Variants in MATCAP2 observed in about 807,000 individuals in gnomAD.
MATCAP2 encodes the protein putative tyrosine carboxypeptidase MATCAP2.
the MATCAP2 span, chr7:36,355,655 T>G: frequency 1.3e-5 from 2 of 152,258 alleles, no homozygotes; most frequent in Non-Finnish European, 2.9e-5. Flanking sequence ...AAATATCTGC[T>G]GGCCGCAAGA....
chr7:36,372,749 A>G, the MATCAP2 span, among the ~76,000 whole-genome samples: 1 of 152,192 alleles, frequency 6.6e-6, no homozygotes, highest in African/African-American at 2.4e-5. Context: ...CAAGGTAAAA[A>G]GATGATGAAA....
At chr7:36,332,024 A>C in the MATCAP2 span, among the ~76,000 whole-genome samples, 2 of 152,242 alleles carry the variant, frequency 1.3e-5, no homozygotes, top group Non-Finnish European at 2.9e-5. Context: ...CCACAGTTAG[A>C]AAATGTTGAT....
chr7:36,375,006 G>A, the MATCAP2 span, among the ~76,000 whole-genome samples: 1 of 152,210 alleles, frequency 6.6e-6, no homozygotes, highest in South Asian at 2.1e-4. Flanking sequence ...ACATACGTGT[G>A]CATGTGTCTT....
chr7:36,389,387 G>T, the MATCAP2 span, among the ~76,000 whole-genome samples: 1 of 151,120 alleles, frequency 6.6e-6, no homozygotes, highest in African/African-American at 2.4e-5. Context: ...TTTTGAGGCA[G>T]GGTCTCACTC....
At chr7:36,344,806 A>G in the MATCAP2 span, among the ~76,000 whole-genome samples, 1 of 152,206 alleles carries the variant, frequency 6.6e-6, no homozygotes. Flanking sequence ...TAACTCATGG[A>G]ACAGAGAGCC....
chr7:36,327,067 C>T, the MATCAP2 span: 5 of 645,584 alleles, frequency 7.7e-6, no homozygotes, highest in Admixed American at 3.1e-5. Flanking sequence ...CAGTGACTTA[C>T]ATTTTCTTCA....
At chr7:36,361,257 G>C in the MATCAP2 span, among the ~76,000 whole-genome samples, 9 of 152,144 alleles carry the variant, frequency 5.9e-5, no homozygotes, top group African/African-American at 2.2e-4. Flanking sequence ...GGTACCTCCC[G>C]TTCCCCATCT....
chr7:36,385,792 TAAAATAAAATA>T, the MATCAP2 span, among the ~76,000 whole-genome samples: 9 of 68,410 alleles, frequency 1.3e-4, no homozygotes, highest in Admixed American at 6.2e-4. Flanking sequence ...TTTCAAAAAA[TAAAATAAAATA>T]AAATAAAATA....
chr7:36,357,357 T>C, the MATCAP2 span: 3 of 1,614,110 alleles, frequency 1.9e-6, no homozygotes, highest in Non-Finnish European at 2.5e-6. Flanking sequence ...GGAGATTTGC[T>C]GGGTTTTCTA....
chr7:36,344,477 T>C, the MATCAP2 span, among the ~76,000 whole-genome samples: 1 of 152,208 alleles, frequency 6.6e-6, no homozygotes, highest in African/African-American at 2.4e-5. Flanking sequence ...CTGTGGGTGG[T>C]AGAATTATGG....
At chr7:36,330,049 T>A in the MATCAP2 span, among the ~76,000 whole-genome samples, 1 of 37,772 alleles carries the variant, frequency 2.6e-5, no homozygotes, top group Non-Finnish European at 6.3e-5. Flanking sequence ...GATCTTTTTT[T>A]TTTTATTTTT....
At chr7:36,328,245 G>C in the MATCAP2 span, among the ~76,000 whole-genome samples, 6 of 127,472 alleles carry the variant, frequency 4.7e-5, no homozygotes, top group African/African-American at 1.4e-4. Context: ...TTTGTAGGGG[G>C]GGGGGGTCTT....
At chr7:36,363,350 T>G in the MATCAP2 span, among the ~76,000 whole-genome samples, 3 of 152,228 alleles carry the variant, frequency 2.0e-5, no homozygotes, top group Admixed American at 6.5e-5. Context: ...ATAAAGCCGA[T>G]AGGCAATCAT....
the MATCAP2 span, among the ~76,000 whole-genome samples, chr7:36,348,891 G>A: frequency 2.0e-5 from 3 of 152,314 alleles, no homozygotes; most frequent in African/African-American, 7.2e-5. Flanking sequence ...TTCCTGGGAT[G>A]GACAGGCACT....
chr7:36,333,050 A>G, the MATCAP2 span, among the ~76,000 whole-genome samples: 1 of 152,150 alleles, frequency 6.6e-6, no homozygotes, highest in African/African-American at 2.4e-5. Flanking sequence ...GGGACAGAGC[A>G]CCTGGGGGAA....
the MATCAP2 span, chr7:36,366,773 CCTG>C: frequency 6.5e-7 from 1 of 1,534,758 alleles, no homozygotes; most frequent in Non-Finnish European, 8.7e-7. Flanking sequence ...GCGAGCGCCT[CCTG>C]CGCGCCCCGA....
chr7:36,377,679 A>G, the MATCAP2 span, among the ~76,000 whole-genome samples: 11 of 152,252 alleles, frequency 7.2e-5, no homozygotes, highest in South Asian at 2.1e-3. Flanking sequence ...TCTGCTGGAT[A>G]ATATCCTGGG....
the MATCAP2 span, among the ~76,000 whole-genome samples, chr7:36,351,941 T>A: frequency 1.7e-5 from 2 of 115,298 alleles, no homozygotes; most frequent in Admixed American, 9.3e-5. Context: ...GGGAGATTGT[T>A]AAAAAAAAAA....
the MATCAP2 span, chr7:36,367,371 C>G: frequency 1.0e-6 from 1 of 987,108 alleles, no homozygotes; most frequent in East Asian, 1.1e-4. Context: ...CAGCGCGGGC[C>G]AGTGCCTCCG....
Sources: allele counts gnomAD v4.1 joint callset (sites outside exome capture counted in the v4.1 genomes callset), GRCh38; gene constraint gnomAD v4.1.1; transcripts MANE v1.5; gene names NCBI Gene and HGNC (gene_info 2026-07-23, HGNC 2026-07-21).